Variants in GABRR1 observed in about 807,000 individuals in gnomAD.
GABRR1 encodes the protein gamma-aminobutyric acid receptor subunit rho-1.
Under a neutral mutation model 55.5 loss-of-function variants are expected in GABRR1, and 59 were observed. The observed-to-expected ratio is 1.06, with a 90% confidence interval of 0.86 to 1.32. The LOEUF is 1.32. GABRR1 is among the 40% of genes most tolerant of loss of function. The probability of loss-of-function intolerance (pLI) is 0.00; values close to 1 mark genes in which losing one functional copy is unlikely to be tolerated. For synonymous variants in GABRR1, 213 were observed against 226.0 expected (o/e 0.94, Z 0.51); for missense variants, 602 against 619.1 (o/e 0.97, Z 0.29).
chr6:89,201,297 A>G (rs528205838), intron 2 of GABRR1, 32 bp from the exon 3 acceptor site: 15 of 1,417,928 alleles, frequency 1.1e-5, no homozygotes, highest in South Asian at 8.1e-5. Context: ...GGCTGATCAT[A>G]TATTCCAACC....
upstream of GABRR1, chr6:89,217,428 T>C (rs1490684771): frequency 3.0e-6 from 4 of 1,327,250 alleles, no homozygotes; most frequent in East Asian, 1.0e-4. Flanking sequence ...GAAGGATGTT[T>C]ACTCATGCAA....
chr6:89,181,740 C>T (rs1023362238), intron 8 of GABRR1, among the ~76,000 whole-genome samples, 165 bp downstream of exon 8: 1 of 152,078 alleles, frequency 6.6e-6, no homozygotes, highest in Admixed American at 6.6e-5. Context: ...TACATAGATT[C>T]CTAATTACAG....
intron 1 of GABRR1, among the ~76,000 whole-genome samples, chr6:89,228,996 G>C (rs1447415636): frequency 4.0e-5 from 6 of 150,842 alleles, no homozygotes; most frequent in African/African-American, 1.5e-4. Flanking sequence ...TTGTTGAATT[G>C]ATCCCTTTAC....
At position 89,203,433 on chromosome 6, in the gene GABRR1, A is replaced by G. The variant is rs1322090804; in HGVS notation, c.173+2T>C. 1.2e-6 allele frequency: 2 copies of G among 1,612,884 alleles called. No homozygotes were observed. The highest frequency in any genetic ancestry group is 2.7e-5 in the African/African-American group (2 of 74,854). ...ACAGTGTGCACGTGCTTATGGCCAT[A>G]CCTGACTTGCTTGTGGGCATCTTCA... On this transcript the variant is annotated splice_donor_variant, in intron 2 of 9. Transcript: ENST00000454853. LOFTEE classifies it high-confidence loss of function.
chr6:89,225,331 G>T, intron 1 of GABRR1, among the ~76,000 whole-genome samples: 1 of 139,256 alleles, frequency 7.2e-6, no homozygotes, highest in African/African-American at 2.7e-5. Context: ...AGTTACATAT[G>T]TATACATGTG....
At position 89,194,298 on chromosome 6, in the gene GABRR1, C is replaced by T. The variant is rs1312134544; in HGVS notation, c.572+3722G>A. The stretch of plus-strand genomic sequence containing the variant: ...TAATCCCTTCAGGACCTCCCCCATT[C>T]GGGACTGGCGGTGCAGAGACAGACT... On this transcript the variant is annotated intron_variant, in intron 5 of 9. Transcript: ENST00000454853. Among the ~76,000 whole-genome samples, 5 of 152,138 alleles carry T rather than the reference C, an allele frequency of 3.3e-5. 1 individual carries two copies. The South Asian group carries it at 8.3e-4, about 25-fold the overall frequency.
chr6:89,201,079 G>T, intron 3 of GABRR1, 80 bp downstream of exon 3: 5 of 1,019,592 alleles, frequency 4.9e-6, no homozygotes, highest in Non-Finnish European at 7.7e-6. Context: ...GAGCAAAGCT[G>T]TGCTGTCCCT....
In GABRR1 at chr6:89,182,052, A is replaced by G; in HGVS notation, c.802T>C (p.Tyr268His). 6.2e-7 allele frequency: 1 copy of G among 1,614,092 alleles called. No individual in the cohort carries two copies. The highest frequency in any genetic ancestry group is 8.5e-7 in the Non-Finnish European group (1 of 1,179,976). The change falls in exon 8 of 10, where the codon TAC becomes CAC. Residue 268 changes from tyrosine (Y) to histidine (H), a missense_variant. Physicochemically the swap from Tyr to His is moderately conservative, Grantham distance 83. This residue lies in a region of GABRR1 where 435 missense variants were observed against 424.2 expected (regional missense o/e 1.03). Coordinates refer to ENST00000454853, the MANE Select transcript of GABRR1 (RefSeq NM_002042.5). ...KLAFYSSTGW[Y>H]NRLYINFTLR... ...GTGAAATTAATGTAGAGACGGTTGT[A>G]CCAGCCTGGGGGACACAGGAATAAA...
In GABRR1 at chr6:89,178,494, C is replaced by A; in HGVS notation, c.*276G>T. 1 of 439,046 alleles carries A rather than the reference C, an allele frequency of 2.3e-6. No homozygotes were observed. The highest frequency in any genetic ancestry group is 4.6e-5 in the East Asian group (1 of 21,786). 27.2% of individuals were successfully genotyped at this position (439,046 alleles called of 1,614,324 possible). A position where few individuals can be genotyped will look rare whatever the true frequency, so the allele number is the denominator to read the frequency against. On this transcript the variant is annotated 3_prime_UTR_variant, in exon 10 of 10. Transcript: ENST00000454853. ...CCCACAACACTGGTAGTGTGCTTTT[C>A]CAGGGGATCTGGGTAACAACTAACA...
intron 6 of GABRR1, among the ~76,000 whole-genome samples, chr6:89,188,121 T>C (rs931982149): frequency 2.0e-5 from 3 of 151,994 alleles, no homozygotes; most frequent in African/African-American, 7.2e-5. Flanking sequence ...GCTCTTGGGC[T>C]CAAGTGATTC....
At chr6:89,196,912 A>G (rs1772314963) in intron 5 of GABRR1, among the ~76,000 whole-genome samples, 1 of 151,884 alleles carries the variant, frequency 6.6e-6, no homozygotes, top group Admixed American at 6.6e-5. Flanking sequence ...AAAATAAAAA[A>G]TCTGCCTCAG....
At chr6:89,189,550 T>C (rs1248990270) in intron 6 of GABRR1, among the ~76,000 whole-genome samples, 2 of 138,960 alleles carry the variant, frequency 1.4e-5, no homozygotes, top group Non-Finnish European at 3.1e-5. Flanking sequence ...TTGGGAGATA[T>C]ACCTAATGCT....
chr6:89,214,715 C>T (rs1046149050), intron 1 of GABRR1, among the ~76,000 whole-genome samples: 1 of 152,116 alleles, frequency 6.6e-6, no homozygotes, highest in African/African-American at 2.4e-5. Flanking sequence ...CATCTCACAC[C>T]AGTCGGAATG....
upstream of GABRR1, among the ~76,000 whole-genome samples, chr6:89,219,319 C>T (rs895834389): frequency 9.2e-5 from 14 of 152,116 alleles, no homozygotes; most frequent in African/African-American, 1.4e-4. Context: ...GCTAAGATTC[C>T]TTATGATAAC....
chr6:89,178,576 T>C lies in GABRR1; in HGVS notation c.*194A>G, dbSNP rs573074420. 7.8e-4 allele frequency: 466 copies of C among 597,280 alleles called. No individual in the cohort carries two copies. The highest frequency in any genetic ancestry group is 1.3e-3 in the Middle Eastern group (3 of 2,230). The allele number at this position is 597,280 out of a possible 1,614,324, so 37.0% of individuals were successfully genotyped here. A position where few individuals can be genotyped will look rare whatever the true frequency, so the allele number is the denominator to read the frequency against. On this transcript the variant is annotated 3_prime_UTR_variant, in exon 10 of 10. Transcript: ENST00000454853. ...ACCTAATATAATGCTGTGTATTCAA[T>C]AGATGGTTAATAAGTGCAAATTAAA...
At chr6:89,206,549 C>T (rs1772652428) in intron 1 of GABRR1, among the ~76,000 whole-genome samples, 1 of 152,056 alleles carries the variant, frequency 6.6e-6, no homozygotes, top group Non-Finnish European at 1.5e-5. Context: ...GCACACCGTG[C>T]TATTGTGGTG....
At chr6:89,226,081 T>A (rs1773198552) in intron 1 of GABRR1, among the ~76,000 whole-genome samples, 1 of 152,144 alleles carries the variant, frequency 6.6e-6, no homozygotes, top group African/African-American at 2.4e-5. Context: ...AAGTGTCTGT[T>A]CATGTCCTTC....
At chr6:89,223,000 A>G (rs540404482) in intron 1 of GABRR1, among the ~76,000 whole-genome samples, 1 of 152,284 alleles carries the variant, frequency 6.6e-6, no homozygotes, top group South Asian at 2.1e-4. Context: ...AAGCATCATC[A>G]TGAACTTGAT....
At chr6:89,201,451 C>G (rs1275688818) in intron 2 of GABRR1, among the ~76,000 whole-genome samples, 186 bp from the exon 3 acceptor site, 1 of 152,210 alleles carries the variant, frequency 6.6e-6, no homozygotes, top group African/African-American at 2.4e-5. Flanking sequence ...AGGTCCAAGA[C>G]ATTGGCTTTG....
Sources: gnomAD v4.1 joint callset for allele counts (sites outside exome capture counted in the v4.1 genomes callset) on GRCh38, gnomAD v4.1.1 for gene constraint, gnomAD v4.1.1 regional missense constraint, MANE v1.5 for transcripts, NCBI Gene and HGNC (gene_info 2026-07-23, HGNC 2026-07-21) for gene names.